The following SOX5 variants were observed in gnomAD, a reference collection of about 807,000 sequenced individuals.
SOX5 encodes SRY-box transcription factor 5.
A neutral mutation model predicts 92.0 loss-of-function variants in SOX5; 9 were observed. That is an observed-to-expected ratio of 0.10 (90% CI 0.06 to 0.17). SOX5 has a LOEUF of 0.17. Among genes scored for constraint, SOX5 ranks in the 10% least tolerant of loss-of-function variants. SOX5 has a pLI of 1.00. For synonymous variants in SOX5, 344 were observed against 336.3 expected (o/e 1.02, Z -0.25); for missense variants, 642 against 944.5 (o/e 0.68, Z 4.20).
At chr12:23,625,481 C>T (rs2077648898) in intron 8 of SOX5, among the ~76,000 whole-genome samples, 1 of 152,216 alleles carries the variant, frequency 6.6e-6, no homozygotes, top group African/African-American at 2.4e-5. Context: ...TTAGACAAAA[C>T]AATCCCAGAT....
chr12:24,401,375 A>AT (rs934167875), intron 1 of SOX5, among the ~76,000 whole-genome samples: 6 of 148,486 alleles, frequency 4.0e-5, no homozygotes, highest in Non-Finnish European at 7.5e-5. Context: ...AAAAAAAGTT[A>AT]TTTTTTGTTA....
chr12:24,251,217 A>G (rs768292499), intron 3 of SOX5, among the ~76,000 whole-genome samples: 20 of 152,210 alleles, frequency 1.3e-4, no homozygotes, highest in Non-Finnish European at 2.1e-4. Flanking sequence ...GTATTTAGGA[A>G]TTTAACTTGG....
intron 1 of SOX5, among the ~76,000 whole-genome samples, chr12:24,439,663 C>T (rs896661761): frequency 7.9e-5 from 12 of 152,046 alleles, no homozygotes; most frequent in African/African-American, 2.7e-4. Context: ...GGGAGGCCAA[C>T]GCGGGTGGAG....
intron 1 of SOX5, among the ~76,000 whole-genome samples, chr12:24,396,034 A>AG (rs1197128115): frequency 1.3e-5 from 2 of 152,248 alleles, no homozygotes. Flanking sequence ...AATTGCAGCT[A>AG]GGGATCCATC....
intron 3 of SOX5, among the ~76,000 whole-genome samples, chr12:23,790,968 G>C (rs1411351896): frequency 2.6e-5 from 4 of 152,146 alleles, no homozygotes; most frequent in Non-Finnish European, 5.9e-5. Context: ...TTCAACTTGG[G>C]AAAACCCTAA....
At chr12:23,711,161 T>C (rs1232338791) in intron 6 of SOX5, among the ~76,000 whole-genome samples, 1 of 152,234 alleles carries the variant, frequency 6.6e-6, no homozygotes, top group Non-Finnish European at 1.5e-5. Context: ...TGCCTTTTTT[T>C]CTGTTTACAT....
intron 4 of SOX5, among the ~76,000 whole-genome samples, chr12:24,204,629 C>G (rs986689831): frequency 4.6e-5 from 7 of 152,112 alleles, no homozygotes; most frequent in African/African-American, 1.4e-4. Flanking sequence ...ACCCCCAACC[C>G]AGGCTAGTTT....
chr12:24,091,459 T>C (rs2137778633), intron 4 of SOX5, among the ~76,000 whole-genome samples: 1 of 142,588 alleles, frequency 7.0e-6, no homozygotes, highest in Non-Finnish European at 1.5e-5. Context: ...AGATGGAGTT[T>C]TACTTTGTTG....
intron 3 of SOX5, among the ~76,000 whole-genome samples, chr12:23,814,692 T>C (rs2095950848): frequency 6.6e-6 from 1 of 152,228 alleles, no homozygotes; most frequent in Non-Finnish European, 1.5e-5. Context: ...GGAAAGATTA[T>C]TGTGTTAGCC....
intron 4 of SOX5, among the ~76,000 whole-genome samples, chr12:24,028,447 A>C (rs963364004): frequency 2.0e-5 from 3 of 152,026 alleles, no homozygotes; most frequent in Non-Finnish European, 4.4e-5. Context: ...TTAAACTAAA[A>C]TTTGGACAAC....
chr12:23,611,924 TA>T (rs71059910), intron 8 of SOX5, among the ~76,000 whole-genome samples: 16,337 of 142,260 alleles, frequency 0.11, 955 homozygotes, highest in African/African-American at 0.14. Context: ...CATTTTAAAT[TA>T]AAAAAAAAAA....
In SOX5 at chr12:23,940,822, C is replaced by T. The variant is rs558208126; in HGVS notation, c.38+8742G>A. Among the ~76,000 whole-genome samples the T allele has an allele frequency of 2.7e-5, 4 of 150,050 alleles. No individual in the cohort carries two copies. In the South Asian group the frequency reaches 8.3e-4, roughly 31 times the overall value. The stretch of plus-strand genomic sequence containing the variant: ...TGATAGGTATGCTTTAGACCCTGAA[C>T]ACTCAACTTTCATATTATCTCAACC... On this transcript the variant is annotated intron_variant, in intron 1 of 14. Transcript: ENST00000451604.
Position 24,480,432 on chromosome 12 carries a change from C to G in SOX5, c.-251+81897G>C, listed in dbSNP as rs1249647842. Among the ~76,000 whole-genome samples the G allele has an allele frequency of 3.3e-5, 5 of 152,162 alleles. No homozygotes were observed. The East Asian group carries it at 9.6e-4, about 29-fold the overall frequency. ...GAGATCGCAAAATGTTAAAAAGCTTCTGTGCCACAAAGGATACATTCAACA... is the reference window on the plus strand; with the variant it reads ...GAGATCGCAAAATGTTAAAAAGCTTGTGTGCCACAAAGGATACATTCAACA... On this transcript the variant is annotated intron_variant, in intron 1 of 4. Coordinates refer to the SOX5 transcript ENST00000446891.
At chr12:24,094,570 G>A (rs1470857626) in intron 4 of SOX5, among the ~76,000 whole-genome samples, 1 of 151,190 alleles carries the variant, frequency 6.6e-6, no homozygotes, top group Non-Finnish European at 1.5e-5. Context: ...TTAACCTGAG[G>A]TCATAAAAAT....
At chr12:23,823,734 C>T (rs1238654191) in intron 3 of SOX5, among the ~76,000 whole-genome samples, 9 of 152,176 alleles carry the variant, frequency 5.9e-5, no homozygotes, top group African/African-American at 1.2e-4. Flanking sequence ...CTATTCTCCC[C>T]GCCACTTTCA....
chr12:24,550,266 C>T (rs1953025023), intron 1 of SOX5, among the ~76,000 whole-genome samples: 1 of 152,126 alleles, frequency 6.6e-6, no homozygotes, highest in South Asian at 2.1e-4. Context: ...AGCAGGGGCG[C>T]CATGATGGTA....
intron 2 of SOX5, among the ~76,000 whole-genome samples, chr12:24,284,499 C>T (rs1459274148): frequency 1.3e-5 from 2 of 151,782 alleles, no homozygotes; most frequent in Non-Finnish European, 2.9e-5. Context: ...TAGACAATTA[C>T]AAACATATTT....
At chr12:23,860,964 A>AC (rs1555390704) in intron 2 of SOX5, among the ~76,000 whole-genome samples, 2 of 108,364 alleles carry the variant, frequency 1.8e-5, no homozygotes, top group African/African-American at 6.1e-5. Context: ...AAAAAAAAAA[A>AC]AAAAAAAAAA....
At chr12:23,905,097 A>G (rs1052165919) in intron 1 of SOX5, among the ~76,000 whole-genome samples, 1 of 152,256 alleles carries the variant, frequency 6.6e-6, no homozygotes, top group Admixed American at 6.5e-5. Flanking sequence ...CTTCTTTACT[A>G]CTAGTTGGAC....
Sources: gnomAD v4.1 joint callset for allele counts (sites outside exome capture counted in the v4.1 genomes callset) on GRCh38, gnomAD v4.1.1 for gene constraint, MANE v1.5 for transcripts, NCBI Gene and HGNC (gene_info 2026-07-23, HGNC 2026-07-21) for gene names.